NBEAL1: variants seen among roughly 807,000 people sequenced by gnomAD.
NBEAL1 encodes neurobeachin-like protein 1.
A neutral mutation model predicts 351.3 loss-of-function variants in NBEAL1; 273 were observed. The ratio of observed to expected loss-of-function variants is 0.78; its 90% CI spans 0.70 to 0.86. The LOEUF (loss-of-function observed/expected upper bound fraction) is 0.86. Ranked by LOEUF, NBEAL1 falls within the 40% of genes least tolerant of loss-of-function variation. The pLI, the probability that NBEAL1 is intolerant of heterozygous loss-of-function variation, is 0.00. For synonymous variants in NBEAL1, 1,050 were observed against 1,086.4 expected, an observed-to-expected ratio of 0.97 and a Z score of 0.66; for missense variants, 2,961 against 3,201.3, an observed-to-expected ratio of 0.92 and a Z score of 1.81.
chr2:203,068,738 C>CT (rs1334906912), intron 7 of NBEAL1, among the ~76,000 whole-genome samples: 3 of 151,800 alleles, frequency 2.0e-5, no homozygotes, highest in African/African-American at 4.8e-5. Context: ...TATTTATTTA[C>CT]TTTTTTTTGA....
At chr2:203,091,865 G>A (rs1053884751) in intron 10 of NBEAL1, among the ~76,000 whole-genome samples, 2 of 151,998 alleles carry the variant, frequency 1.3e-5, no homozygotes, top group Non-Finnish European at 2.9e-5. Context: ...TTTTTGTTAT[G>A]CATTAACACT....
intron 10 of NBEAL1, among the ~76,000 whole-genome samples, chr2:203,086,878 G>A (rs934008677): frequency 1.3e-5 from 2 of 151,680 alleles, no homozygotes; most frequent in East Asian, 3.9e-4. Context: ...CACCATTATC[G>A]ACCCAGTTTC....
chr2:203,110,689 A>ATAAAT (rs889602101), intron 15 of NBEAL1, among the ~76,000 whole-genome samples: 2 of 148,554 alleles, frequency 1.3e-5, no homozygotes, highest in Non-Finnish European at 3.0e-5. Flanking sequence ...AAATAAATAA[A>ATAAAT]TAAATAAATA....
chr2:203,122,326 G>C lies in NBEAL1; in HGVS notation c.2665G>C (p.Val889Leu), dbSNP rs2062849715. 6.5e-7 allele frequency: 1 copy of C among 1,534,916 alleles called. No homozygotes were observed. The highest frequency in any genetic ancestry group is 8.8e-7 in the Non-Finnish European group (1 of 1,135,842). ...LHGRLTGNKV[V>L]NWDIKDIINC... is the part of the protein sequence containing the mutation. ...TGGAAGATTAACAGGAAACAAAGTA[G>C]TGAACTGGGACATTAAGGTAAATTA... Residue 889 changes from valine (V) to leucine (L), a missense_variant, in exon 19 of 56, where the codon GTG (valine) becomes CTG (leucine). Physicochemically the swap from Val to Leu is conservative, Grantham distance 32. Coordinates refer to ENST00000683969, the MANE Select transcript of NBEAL1 (RefSeq NM_001378026.1).
intron 36 of NBEAL1, 119 bp downstream of exon 36, chr2:203,157,944 C>A: frequency 1.4e-6 from 1 of 732,586 alleles, no homozygotes; most frequent in Admixed American, 3.8e-5. Context: ...AATGCTGTAT[C>A]AGCTGTTAGG....
In NBEAL1 at chr2:203,166,210, A is replaced by G. The variant is rs769664980; in HGVS notation, c.5776A>G (p.Ile1926Val). 4.3e-6 allele frequency: 7 copies of G among 1,611,370 alleles called. No individual in the cohort carries two copies. In the East Asian group the frequency reaches 1.3e-4, roughly 31 times the overall value. The change falls in exon 37 of 56, where the codon ATT becomes GTT. Residue 1926 changes from isoleucine (I) to valine (V), a missense_variant. Ile to Val is a conservative substitution (Grantham distance 29). Coordinates refer to ENST00000683969, the MANE Select transcript of NBEAL1 (RefSeq NM_001378026.1). ...GGTATTGATGGAAGACTGTGAACTC[A>G]TTACAATAATTGATGTAATTCCTGG... ...KLVLMEDCEL[I>V]TIIDVIPGRL... is the part of the protein sequence containing the mutation.
chr2:203,213,665 C>G lies in NBEAL1; in HGVS notation c.8070+12C>G, dbSNP rs773801226. 3 of 1,613,422 alleles carry G rather than the reference C, an allele frequency of 1.9e-6. No homozygotes were observed. The highest frequency in any genetic ancestry group is 2.5e-6 in the Non-Finnish European group (3 of 1,179,810). On this transcript the variant is annotated intron_variant, in intron 55 of 55. Coordinates refer to ENST00000683969, the MANE Select transcript of NBEAL1 (RefSeq NM_001378026.1). ...GCAAGCCTGCTGAGGTAAAACCTAG[C>G]ATCAGTAATTTCATTTCTCATGCTG...
intron 4 of NBEAL1, 83 bp from the exon 5 acceptor site, chr2:203,056,344 T>G (rs2061401085): frequency 1.3e-6 from 1 of 755,672 alleles, no homozygotes; most frequent in Non-Finnish European, 2.3e-6. Flanking sequence ...CCAGCATGTG[T>G]TCTCATAATT....
At chr2:203,120,664 G>A (rs2062809508) in intron 18 of NBEAL1, among the ~76,000 whole-genome samples, 2 of 152,152 alleles carry the variant, frequency 1.3e-5, no homozygotes, top group Admixed American at 1.3e-4. Context: ...GTAGATAATA[G>A]GCAATGGATA....
chr2:203,206,599 G>T (rs1289150106), intron 51 of NBEAL1, among the ~76,000 whole-genome samples: 1 of 31,168 alleles, frequency 3.2e-5, no homozygotes, highest in East Asian at 1.4e-3. Flanking sequence ...TATTTTTTGG[G>T]TGGAGAACAC....
chr2:203,162,018 GA>G (rs1422305789), intron 36 of NBEAL1, among the ~76,000 whole-genome samples: 2 of 133,664 alleles, frequency 1.5e-5, no homozygotes, highest in African/African-American at 2.8e-5. Flanking sequence ...GATTTGATTT[GA>G]TTTTTTTTTT....
rs184295677 is a variant in NBEAL1, at chr2:203,139,853, A to G, written c.4848+1105A>G. ...AAGTGCTGGATTACAGGTGTGAACC[A>G]CTGCCCCCGGTCACTCTATTTTTAA... is the stretch of plus-strand genomic sequence containing the variant. On this transcript the variant is annotated intron_variant, in intron 31 of 55. Transcript: ENST00000683969. Among the ~76,000 whole-genome samples the G allele has an allele frequency of 8.4e-3, 1,270 of 151,974 alleles. 4 individuals carry two copies. Among genetic ancestry groups the G allele is most frequent in the Non-Finnish European group, 0.014 (942 of 67,960 alleles).
intron 44 of NBEAL1, among the ~76,000 whole-genome samples, chr2:203,184,916 T>G (rs1322032529): frequency 6.6e-6 from 1 of 151,536 alleles, no homozygotes; most frequent in Non-Finnish European, 1.5e-5. Context: ...AAAAAAAAGT[T>G]TATTTGGGAA....
chr2:203,107,602 T>C lies in NBEAL1; in HGVS notation c.1369-6T>C. On this transcript the variant is annotated splice_polypyrimidine_tract_variant and splice_region_variant and intron_variant, in intron 13 of 55. Transcript: ENST00000683969. ...CTAACCTTTTATCTTTTATGTTGCT[T>C]TTCAGGCTGTAGAGGGTGACCACAC... 4.5e-6 allele frequency: 7 copies of C among 1,549,840 alleles called. No homozygotes were observed. The highest frequency in any genetic ancestry group is 1.4e-5 in the African/African-American group (1 of 73,010).
intron 51 of NBEAL1, among the ~76,000 whole-genome samples, chr2:203,207,233 A>T (rs1408889638): frequency 6.8e-6 from 1 of 146,230 alleles, no homozygotes; most frequent in Non-Finnish European, 1.5e-5. Flanking sequence ...CAGCCACCCC[A>T]TCTGGGAAGT....
At chr2:203,046,548 C>T (rs567919284) in intron 3 of NBEAL1, among the ~76,000 whole-genome samples, 15 of 152,148 alleles carry the variant, frequency 9.9e-5, no homozygotes, top group African/African-American at 1.7e-4. Context: ...TACTGTTCAC[C>T]GTTCTGGAAG....
chr2:203,126,768 A>C, intron 22 of NBEAL1, 52 bp downstream of exon 22: 2 of 1,521,986 alleles, frequency 1.3e-6, no homozygotes, highest in Non-Finnish European at 1.8e-6. Context: ...GAAATTTATA[A>C]CTACCTATTG....
At chr2:203,174,073 T>G (rs1432807811) in intron 41 of NBEAL1, among the ~76,000 whole-genome samples, 2 of 151,760 alleles carry the variant, frequency 1.3e-5, no homozygotes, top group Non-Finnish European at 2.9e-5. Context: ...TTAGGCCTTT[T>G]TCCTATCCAC....
At chr2:203,080,834 A>G (rs913730333) in intron 8 of NBEAL1, among the ~76,000 whole-genome samples, 3 of 152,138 alleles carry the variant, frequency 2.0e-5, no homozygotes, top group African/African-American at 4.8e-5. Flanking sequence ...CCCCATTTCT[A>G]TCATTTCTCT....
Sources: gnomAD v4.1 joint callset for allele counts (sites outside exome capture counted in the v4.1 genomes callset) on GRCh38, gnomAD v4.1.1 for gene constraint, MANE v1.5 for transcripts, NCBI Gene and HGNC (gene_info 2026-07-23, HGNC 2026-07-21) for gene names.